The following ADGRE1 variants were observed in gnomAD, a reference collection of about 807,000 sequenced individuals.
ADGRE1 encodes the protein EGF-like module receptor 1.
Under a neutral mutation model 102.7 loss-of-function variants are expected in ADGRE1, and 82 were observed. The observed-to-expected ratio is 0.80, with a 90% CI of 0.67 to 0.96. The LOEUF (loss-of-function observed/expected upper bound fraction) is 0.96, where lower values mean the gene tolerates loss of function less well. Among genes scored for constraint, ADGRE1 ranks in the 40% least tolerant of loss-of-function variants. The pLI is 0.00. For missense variants in ADGRE1, 1,032 were observed against 1,085.3 expected (o/e 0.95, Z 0.69); for synonymous variants, 398 against 399.6 (o/e 1.00, Z 0.05).
At chr19:6,907,258 TTAAC>T (rs1300384229) in intron 9 of ADGRE1, among the ~76,000 whole-genome samples, 8 of 152,352 alleles carry the variant, frequency 5.3e-5, no homozygotes, top group Admixed American at 2.6e-4. Flanking sequence ...ATTCACCACT[TTAAC>T]TATTTTAAAG....
chr19:6,935,116 C>T, intron 18 of ADGRE1, 38 bp downstream of exon 18: 3 of 1,295,830 alleles, frequency 2.3e-6, no homozygotes, highest in Non-Finnish European at 2.1e-6. Flanking sequence ...CTTTTAATTT[C>T]CTCTTTCTTC....
chr19:6,905,753 A>T (rs1329472691), intron 8 of ADGRE1, among the ~76,000 whole-genome samples: 1 of 152,214 alleles, frequency 6.6e-6, no homozygotes. Flanking sequence ...ATTATTTATT[A>T]CATTAAAAAT....
intron 14 of ADGRE1, among the ~76,000 whole-genome samples, chr19:6,922,260 A>T (rs1854309547): frequency 6.6e-6 from 1 of 152,042 alleles, no homozygotes; most frequent in South Asian, 2.1e-4. Context: ...GTGGAATTCA[A>T]ATCTGGGGAA....
At chr19:6,903,991 C>T in intron 7 of ADGRE1, 41 bp downstream of exon 7, 1 of 1,614,032 alleles carries the variant, frequency 6.2e-7, no homozygotes. Context: ...AAAGACATTT[C>T]TCTTTGCTCT....
At chr19:6,910,302 C>G (rs959259175) in intron 10 of ADGRE1, among the ~76,000 whole-genome samples, 1 of 151,940 alleles carries the variant, frequency 6.6e-6, no homozygotes, top group African/African-American at 2.4e-5. Flanking sequence ...CCAATTCCCC[C>G]CTCCCGCTCC....
intron 17 of ADGRE1, among the ~76,000 whole-genome samples, chr19:6,930,297 C>A (rs1214838813): frequency 6.6e-6 from 1 of 152,108 alleles, no homozygotes; most frequent in African/African-American, 2.4e-5. Context: ...CAAAGGGAGG[C>A]CAGGGAATGT....
At chr19:6,913,620 A>G in intron 10 of ADGRE1, 33 bp from the exon 11 acceptor site, 1 of 1,533,848 alleles carries the variant, frequency 6.5e-7, no homozygotes, top group Non-Finnish European at 8.8e-7. Context: ...TGAGAGAGAG[A>G]GAGAGAATGA....
chr19:6,913,635 A>T lies in ADGRE1; in HGVS notation c.1123-18A>T, dbSNP rs1361497825. 5.8e-6 allele frequency: 9 copies of T among 1,557,580 alleles called. No individual in the cohort carries two copies. The East Asian group carries it at 2.1e-4, about 36-fold the overall frequency. ...TGAGAGAGAGAGAGAGAATGAACAAACACATCTTTCCTTGCAGAATACAAC... is the reference window on the plus strand; with the variant it reads ...TGAGAGAGAGAGAGAGAATGAACAATCACATCTTTCCTTGCAGAATACAAC... On this transcript the variant is annotated intron_variant, in intron 10 of 20. Coordinates refer to ENST00000312053, the MANE Select transcript of ADGRE1 (RefSeq NM_001974.5).
chr19:6,903,693 A>G, intron 6 of ADGRE1, 117 bp from the exon 7 acceptor site: 1 of 1,308,768 alleles, frequency 7.6e-7, no homozygotes, highest in Non-Finnish European at 1.1e-6. Flanking sequence ...TAGGAAATGT[A>G]GTCCCTGGCT....
At chr19:6,913,940 A>C in intron 11 of ADGRE1, 110 bp downstream of exon 11, 20 of 1,230,996 alleles carry the variant, frequency 1.6e-5, no homozygotes, top group Non-Finnish European at 2.0e-5. Context: ...CCAACTGTTT[A>C]AAAACTTTGA....
At chr19:6,891,455 AT>A (rs113589576) in intron 2 of ADGRE1, among the ~76,000 whole-genome samples, 2,659 of 136,324 alleles carry the variant, frequency 0.02, 18 homozygotes, top group South Asian at 0.035. Flanking sequence ...CATCTTTCAC[AT>A]TTTTTTTTTT....
rs772959056 is a variant in ADGRE1, at chr19:6,911,385, G to GTTTTTTTTT, written c.1123-2256_1123-2248dup. The stretch of plus-strand genomic sequence containing the variant: ...TTTATTAGGTTCTGGATTCCTTTTA[G>GTTTTTTTTT]TTTTTTTTTTTTTTTTTTTTGCTTG... On this transcript the variant is annotated intron_variant, in intron 10 of 20. Transcript: ENST00000312053. Among the ~76,000 whole-genome samples, 208 of 79,818 alleles carry GTTTTTTTTT rather than the reference G, an allele frequency of 2.6e-3. 25 individuals are homozygous for GTTTTTTTTT. The highest frequency in any genetic ancestry group is 3.9e-3 in the South Asian group (7 of 1,780). 52.4% of individuals were successfully genotyped at this position (79,818 alleles called of 152,430 possible). A position where few individuals can be genotyped will look rare whatever the true frequency, so the allele number is the denominator to read the frequency against.
intron 17 of ADGRE1, among the ~76,000 whole-genome samples, chr19:6,930,644 T>C (rs1270768553): frequency 6.6e-6 from 1 of 152,156 alleles, no homozygotes; most frequent in Admixed American, 6.6e-5. Flanking sequence ...GGTTTATTTT[T>C]ATTTTTATTT....
Position 6,911,385 on chromosome 19 carries a change from G to GTTTTTTTTTTTTTT in ADGRE1, c.1123-2261_1123-2248dup, listed in dbSNP as rs772959056. On this transcript the variant is annotated intron_variant, in intron 10 of 20. Coordinates refer to ENST00000312053, the MANE Select transcript of ADGRE1 (RefSeq NM_001974.5). ...TTTATTAGGTTCTGGATTCCTTTTA[G>GTTTTTTTTTTTTTT]TTTTTTTTTTTTTTTTTTTTGCTTG... Among the ~76,000 whole-genome samples the GTTTTTTTTTTTTTT allele has an allele frequency of 1.6e-3, 127 of 79,846 alleles. 8 individuals carry two copies. The highest frequency in any genetic ancestry group is 2.0e-3 in the East Asian group (5 of 2,496). The allele number at this position is 79,846 out of a possible 152,430, so 52.4% of individuals were successfully genotyped here.
At position 6,897,589 on chromosome 19, in the gene ADGRE1, T is replaced by C. The variant is rs772224809; in HGVS notation, c.514+42T>C. ...CTTTATTATTTACCTACTTAATTAA[T>C]TAAGGGTCATCTCACTGGAAGACCA... On this transcript the variant is annotated intron_variant, in intron 5 of 20. Coordinates refer to ENST00000312053, the MANE Select transcript of ADGRE1 (RefSeq NM_001974.5). 13 of 1,484,900 alleles carry C rather than the reference T, an allele frequency of 8.8e-6. No individual in the cohort carries two copies. In the South Asian group the frequency reaches 1.5e-4, roughly 17 times the overall value. The allele number at this position is 1,484,900 out of a possible 1,614,324, so 92.0% of individuals were successfully genotyped here. A position where few individuals can be genotyped will look rare whatever the true frequency, so the allele number is the denominator to read the frequency against.
intron 17 of ADGRE1, among the ~76,000 whole-genome samples, chr19:6,930,774 A>T (rs899417451): frequency 1.3e-5 from 2 of 152,024 alleles, no homozygotes; most frequent in Non-Finnish European, 2.9e-5. Flanking sequence ...AGTAGCTGGG[A>T]TTACAGGTGT....
chr19:6,933,050 A>G (rs12978514), intron 17 of ADGRE1, among the ~76,000 whole-genome samples: 79,411 of 151,602 alleles, frequency 0.52, 22,701 homozygotes, highest in African/African-American at 0.75. Context: ...GTGAAACCCC[A>G]TCTCTACTGA....
intron 2 of ADGRE1, among the ~76,000 whole-genome samples, chr19:6,893,671 T>C (rs1460684426): frequency 1.3e-5 from 2 of 152,244 alleles, no homozygotes; most frequent in Non-Finnish European, 1.5e-5. Flanking sequence ...TGTGTGTCTT[T>C]GGGTAAGTCA....
Position 6,929,148 on chromosome 19 carries a change from G to A in ADGRE1, c.2289+937G>A, listed in dbSNP as rs888822388. On this transcript the variant is annotated intron_variant, in intron 17 of 20. Transcript: ENST00000312053. Reference sequence around the variant, plus strand: ...CTGGGGGTAATAATGCCTGAGGTTCGTTGCCTCATGCTAAGGAAATCAAGG... The same window carrying A: ...CTGGGGGTAATAATGCCTGAGGTTCATTGCCTCATGCTAAGGAAATCAAGG... 3.9e-5 allele frequency among the ~76,000 whole-genome samples: 6 copies of A among 152,214 alleles called. No homozygotes were observed. The East Asian group carries it at 9.6e-4, about 24-fold the overall frequency.
Sources: allele counts gnomAD v4.1 joint callset (sites outside exome capture counted in the v4.1 genomes callset), GRCh38; gene constraint gnomAD v4.1.1; transcripts MANE v1.5; gene names NCBI Gene and HGNC (gene_info 2026-07-23, HGNC 2026-07-21).